Variants in DLGAP1 observed in about 807,000 individuals in gnomAD.
DLGAP1 encodes DLG associated protein 1, also known as disks large-associated protein 1.
In DLGAP1, 11 loss-of-function variants were observed where a neutral mutation model predicts 90.8. The observed-to-expected ratio is 0.12, with a 90% confidence interval of 0.08 to 0.20. DLGAP1 has a LOEUF of 0.20. DLGAP1 is among the 10% of genes least tolerant of loss of function. The pLI, the probability that DLGAP1 is intolerant of heterozygous loss-of-function variation, is 1.00. For synonymous variants in DLGAP1, 558 were observed against 540.7 expected, an observed-to-expected ratio of 1.03 and a Z score of -0.44; for missense variants, 1,050 against 1,333.8, an observed-to-expected ratio of 0.79 and a Z score of 3.31.
intron 7 of DLGAP1, among the ~76,000 whole-genome samples, chr18:3,715,107 G>C (rs972152722): frequency 4.6e-5 from 7 of 152,190 alleles, no homozygotes; most frequent in Non-Finnish European, 8.8e-5. Context: ...AAGCTCAACT[G>C]CTTATTTCTA....
At chr18:4,137,720 T>C (rs1310754667) in intron 2 of DLGAP1, among the ~76,000 whole-genome samples, 1 of 152,134 alleles carries the variant, frequency 6.6e-6, no homozygotes, top group Non-Finnish European at 1.5e-5. Flanking sequence ...CTTTGGATAG[T>C]ATGGACATTT....
At chr18:3,684,356 A>ATTTTT (rs71160911) in intron 7 of DLGAP1, among the ~76,000 whole-genome samples, 10 of 109,240 alleles carry the variant, frequency 9.2e-5, no homozygotes, top group African/African-American at 3.7e-4. Flanking sequence ...TGCCTGGCTA[A>ATTTTT]TTTTTTTTTT....
intron 2 of DLGAP1, among the ~76,000 whole-genome samples, chr18:4,111,243 A>T (rs1318290568): frequency 6.6e-6 from 1 of 152,102 alleles, no homozygotes; most frequent in African/African-American, 2.4e-5. Context: ...CCAACCTCAC[A>T]TTTCTGAAAT....
intron 10 of DLGAP1, among the ~76,000 whole-genome samples, chr18:3,511,712 T>G (rs1470101952): frequency 6.6e-6 from 1 of 152,212 alleles, no homozygotes; most frequent in Non-Finnish European, 1.5e-5. Context: ...ATTACAGGTA[T>G]GAGCCACTGC....
At chr18:4,096,562 T>C (rs2075683431) in intron 2 of DLGAP1, among the ~76,000 whole-genome samples, 1 of 152,136 alleles carries the variant, frequency 6.6e-6, no homozygotes, top group South Asian at 2.1e-4. Flanking sequence ...ATAGGTTTCA[T>C]TTATCTCATC....
At chr18:4,412,223 C>T (rs1213171089) in intron 1 of DLGAP1, among the ~76,000 whole-genome samples, 1 of 152,160 alleles carries the variant, frequency 6.6e-6, no homozygotes, top group Admixed American at 6.5e-5. Flanking sequence ...AAGAGGGGGA[C>T]TGTGAGATTT....
intron 1 of DLGAP1, among the ~76,000 whole-genome samples, chr18:4,320,185 C>T (rs612819): frequency 0.59 from 89,715 of 151,896 alleles, 31,176 homozygotes; most frequent in Non-Finnish European, 0.77. Context: ...TGTTTAACTG[C>T]TCATTCTCTG....
chr18:4,068,148 A>G (rs1167141830), intron 2 of DLGAP1, among the ~76,000 whole-genome samples: 2 of 151,990 alleles, frequency 1.3e-5, no homozygotes, highest in African/African-American at 4.8e-5. Context: ...CATATGGCAT[A>G]CTATATACAC....
intron 1 of DLGAP1, among the ~76,000 whole-genome samples, chr18:4,352,398 C>T (rs1182753219): frequency 6.6e-6 from 1 of 152,030 alleles, no homozygotes; most frequent in Non-Finnish European, 1.5e-5. Flanking sequence ...GGTAAGGCAA[C>T]TCTCTGCCTT....
At position 4,193,111 on chromosome 18, in the gene DLGAP1, C is replaced by T. The variant is rs74575702; in HGVS notation, c.-266-41824G>A. Among the ~76,000 whole-genome samples, 814 of 152,242 alleles carry T rather than the reference C, an allele frequency of 5.3e-3. 8 individuals are homozygous for T. Among genetic ancestry groups the T allele is most frequent in the African/African-American group, 0.019 (780 of 41,536 alleles). ...TCAGCCACTGAATAGAACTAGAATT[C>T]AGTGTTATCAAGTGCATTGGTATAG... is the stretch of plus-strand genomic sequence containing the variant. On this transcript the variant is annotated intron_variant, in intron 1 of 12. Coordinates refer to ENST00000315677, the MANE Select transcript of DLGAP1 (RefSeq NM_004746.4).
At chr18:4,442,140 C>T (rs190331475) in intron 1 of DLGAP1, among the ~76,000 whole-genome samples, 246 of 152,176 alleles carry the variant, frequency 1.6e-3, no homozygotes, top group African/African-American at 5.2e-3. Context: ...TACAGGCGCA[C>T]GCCACCATGC....
Position 3,729,843 on chromosome 18 carries a change from T to C in DLGAP1, c.1351-468A>G, listed in dbSNP as rs923102209. On this transcript the variant is annotated intron_variant, in intron 6 of 12. Coordinates refer to ENST00000315677, the MANE Select transcript of DLGAP1 (RefSeq NM_004746.4). The surrounding 1 kb of genome is among the most constrained non-coding windows in gnomAD (Gnocchi z 6.2). Reference sequence around the variant, plus strand: ...TTTACCAGTCCATTGTCAGAGTTCATGTATTTTGGTATCACTTTTTAGCAC... The same window carrying C: ...TTTACCAGTCCATTGTCAGAGTTCACGTATTTTGGTATCACTTTTTAGCAC... 2.0e-5 allele frequency among the ~76,000 whole-genome samples: 3 copies of C among 152,244 alleles called. No individual in the cohort carries two copies. The highest frequency in any genetic ancestry group is 7.2e-5 in the African/African-American group (3 of 41,466).
At chr18:3,888,729 T>A (rs2071385627) in intron 3 of DLGAP1, among the ~76,000 whole-genome samples, 1 of 152,210 alleles carries the variant, frequency 6.6e-6, no homozygotes, top group Admixed American at 6.5e-5. Flanking sequence ...AATAGGTCAT[T>A]ATTGATATTG....
chr18:4,164,322 A>G (rs543517526), intron 1 of DLGAP1, among the ~76,000 whole-genome samples: 9 of 152,326 alleles, frequency 5.9e-5, no homozygotes, highest in African/African-American at 2.2e-4. Context: ...CAATATTGAG[A>G]TGAACCAGAT....
chr18:3,687,555 A>C (rs2060743885), intron 7 of DLGAP1, among the ~76,000 whole-genome samples: 1 of 152,260 alleles, frequency 6.6e-6, no homozygotes. Context: ...GAGAATTTTG[A>C]AGAACATTTA....
chr18:3,792,834 G>A (rs2065800386), intron 5 of DLGAP1, among the ~76,000 whole-genome samples: 1 of 152,286 alleles, frequency 6.6e-6, no homozygotes, highest in South Asian at 2.1e-4. Flanking sequence ...CTCAGCCTTG[G>A]ACTCTGGCCC....
intron 3 of DLGAP1, among the ~76,000 whole-genome samples, chr18:3,931,780 A>G (rs1167192506): frequency 2.0e-5 from 3 of 152,150 alleles, no homozygotes; most frequent in Non-Finnish European, 4.4e-5. Context: ...TAATTGTAGT[A>G]ATGATTAATA....
chr18:4,133,245 C>T (rs2076346669), intron 2 of DLGAP1, among the ~76,000 whole-genome samples: 1 of 152,146 alleles, frequency 6.6e-6, no homozygotes, highest in Non-Finnish European at 1.5e-5. Flanking sequence ...GAGCACAGCA[C>T]ATGCTAAGTC....
chr18:4,386,714 C>A (rs992120032), intron 1 of DLGAP1, among the ~76,000 whole-genome samples: 1 of 152,130 alleles, frequency 6.6e-6, no homozygotes, highest in Admixed American at 6.5e-5. Context: ...GGGATATGGG[C>A]AGCAACTCTT....
Sources: gnomAD v4.1 joint callset for allele counts (sites outside exome capture counted in the v4.1 genomes callset) on GRCh38, gnomAD v4.1.1 for gene constraint, Gnocchi (gnomAD v3.1) non-coding constraint, MANE v1.5 for transcripts, NCBI Gene and HGNC (gene_info 2026-07-23, HGNC 2026-07-21) for gene names.